ANOS1: variants seen among roughly 807,000 people sequenced by gnomAD.
ANOS1 encodes anosmin-1.
ANOS1 carries 6 observed loss-of-function variants against 59.0 expected under a neutral mutation model. That is an observed-to-expected ratio of 0.10 (90% CI 0.06 to 0.20). The LOEUF is 0.20. Ranked by LOEUF, ANOS1 falls within the 10% of genes least tolerant of loss-of-function variation. The pLI, the probability that ANOS1 is intolerant of heterozygous loss-of-function variation, is 1.00. For missense variants in ANOS1, 433 were observed against 542.3 expected (o/e 0.80, Z 2.00); for synonymous variants, 217 against 223.4 (o/e 0.97, Z 0.25).
At chrX:8,631,587 G>C (rs1931489305) in intron 2 of ANOS1, among the ~76,000 whole-genome samples, 1 of 111,245 alleles carries the variant, frequency 9.0e-6, no homozygotes, top group Non-Finnish European at 1.9e-5. Flanking sequence ...TTACGTGTTT[G>C]TGCTTCAAAA....
rs1281286535 is a variant in ANOS1, at chrX:8,529,128, G to A, written c.*3867C>T. On this transcript the variant is annotated 3_prime_UTR_variant, in exon 14 of 14. Transcript: ENST00000262648. Reference sequence around the variant, plus strand: ...TTCTACAGACCACTTGGATGAGAAGGTAGCAGTTTTGTTATCTGCACACTA... The same window carrying A: ...TTCTACAGACCACTTGGATGAGAAGATAGCAGTTTTGTTATCTGCACACTA... 2.7e-5 allele frequency: 3 copies of A among 111,642 alleles called. No homozygotes were observed. Among genetic ancestry groups the A allele is most frequent in the African/African-American group, 9.8e-5 (3 of 30,739 alleles). The allele number at this position is 111,642 out of a possible 1,213,427, so 9.2% of individuals were successfully genotyped here.
At chrX:8,536,742 A>G in intron 11 of ANOS1, 29 bp downstream of exon 11, 1 of 1,162,109 alleles carries the variant, frequency 8.6e-7, no homozygotes. Context: ...GTAGACCTAG[A>G]TGTAGAAGTC....
intron 1 of ANOS1, among the ~76,000 whole-genome samples, chrX:8,728,842 T>A (rs1470695588): frequency 8.9e-6 from 1 of 111,917 alleles, no homozygotes; most frequent in Non-Finnish European, 1.9e-5. Context: ...CCCACCCCCA[T>A]GCCTCAGTAC....
chrX:8,670,425 A>T (rs368054306), intron 2 of ANOS1, among the ~76,000 whole-genome samples: 1 of 111,206 alleles, frequency 9.0e-6, no homozygotes, highest in East Asian at 2.8e-4. Context: ...TCAGCCTCTG[A>T]TTCCAATTGG....
rs112434094 is a variant in ANOS1 at position 8,659,418 on chromosome X, CTCTT to C, written c.256-35752_256-35749del. Reference sequence around the variant, plus strand: ...AGAGTGAGACTCTTTCTCTCTCTCTCTCTTTCTTTTTCTTTCTTTCTTCCTTCCT... The same window carrying C: ...AGAGTGAGACTCTTTCTCTCTCTCTCTCTTTTTCTTTCTTTCTTCCTTCCT... On this transcript the variant is annotated intron_variant, in intron 2 of 13. Coordinates refer to ENST00000262648, the MANE Select transcript of ANOS1 (RefSeq NM_000216.4). Among the ~76,000 whole-genome samples, 123 of 108,230 alleles carry C rather than the reference CTCTT, an allele frequency of 1.1e-3. 1 individual carries two copies. Among genetic ancestry groups the C allele is most frequent in the African/African-American group, 3.5e-3 (104 of 29,612 alleles). 94.0% of individuals were successfully genotyped at this position (108,230 alleles called of 115,157 possible).
intron 2 of ANOS1, among the ~76,000 whole-genome samples, chrX:8,647,300 T>C (rs1931777229): frequency 9.0e-6 from 1 of 110,896 alleles, no homozygotes; most frequent in Admixed American, 9.7e-5. Context: ...ACCAGTGATA[T>C]AGGGTACATG....
chrX:8,668,451 A>G (rs1450982182), intron 2 of ANOS1, among the ~76,000 whole-genome samples: 1 of 94,966 alleles, frequency 1.1e-5, no homozygotes, highest in African/African-American at 3.8e-5. Flanking sequence ...ACATATATAT[A>G]TATGGTATTC....
intron 1 of ANOS1, among the ~76,000 whole-genome samples, chrX:8,723,507 CTT>C (rs1292767390): frequency 8.9e-6 from 1 of 112,088 alleles, no homozygotes; most frequent in Non-Finnish European, 1.9e-5. Flanking sequence ...TAAATCAGTA[CTT>C]TTTAAAGAAA....
chrX:8,658,708 C>T (rs750758579), intron 2 of ANOS1, among the ~76,000 whole-genome samples: 3 of 111,967 alleles, frequency 2.7e-5, no homozygotes, highest in Non-Finnish European at 5.6e-5. Flanking sequence ...CCTCAGATTA[C>T]ACCACCTAGA....
chrX:8,608,096 T>A (rs1232720922), intron 3 of ANOS1, among the ~76,000 whole-genome samples: 3 of 111,903 alleles, frequency 2.7e-5, no homozygotes, highest in Non-Finnish European at 5.6e-5. Context: ...AGATAACTGC[T>A]GTACAATTTG....
At chrX:8,681,646 A>G (rs112915942) in intron 2 of ANOS1, among the ~76,000 whole-genome samples, 1 of 111,707 alleles carries the variant, frequency 9.0e-6, no homozygotes, top group Non-Finnish European at 1.9e-5. Context: ...CTCCAAGGAC[A>G]TCAAGGCCCA....
chrX:8,555,119 CT>C (rs763326579), intron 8 of ANOS1, among the ~76,000 whole-genome samples: 2 of 111,568 alleles, frequency 1.8e-5, no homozygotes, highest in Non-Finnish European at 3.8e-5. Context: ...CAATATGCTC[CT>C]GAATGACTAC....
chrX:8,668,430 T>TATATATATATATATATAC (rs1394731479), intron 2 of ANOS1, among the ~76,000 whole-genome samples: 5 of 80,252 alleles, frequency 6.2e-5, no homozygotes, highest in Admixed American at 1.5e-4. Context: ...TATATATATA[T>TATATATATATATATATAC]ACACACACAT....
At chrX:8,589,491 C>T (rs1186817287) in intron 4 of ANOS1, among the ~76,000 whole-genome samples, 1 of 112,065 alleles carries the variant, frequency 8.9e-6, no homozygotes, top group Non-Finnish European at 1.9e-5. Flanking sequence ...CTGCTTTCTA[C>T]ATTTCATATT....
intron 6 of ANOS1, among the ~76,000 whole-genome samples, chrX:8,577,715 G>T (rs1930353197): frequency 8.9e-6 from 1 of 112,199 alleles, no homozygotes; most frequent in Non-Finnish European, 1.9e-5. Flanking sequence ...TTAACCTCTT[G>T]TGTTTCATGC....
intron 2 of ANOS1, among the ~76,000 whole-genome samples, chrX:8,672,449 T>C (rs1037319677): frequency 1.8e-5 from 2 of 112,262 alleles, no homozygotes; most frequent in Non-Finnish European, 3.8e-5. Flanking sequence ...CTTGAAGCAG[T>C]GGGAAGTCGA....
intron 1 of ANOS1, among the ~76,000 whole-genome samples, chrX:8,703,908 C>T (rs945028389): frequency 4.9e-4 from 55 of 111,881 alleles, no homozygotes; most frequent in Non-Finnish European, 3.0e-4. Context: ...GTGCAGGACA[C>T]ACCTTGATAT....
At chrX:8,656,705 C>CA (rs1931936863) in intron 2 of ANOS1, among the ~76,000 whole-genome samples, 1 of 111,569 alleles carries the variant, frequency 9.0e-6, no homozygotes, top group South Asian at 3.8e-4. Context: ...TCTGCAAAGT[C>CA]CAGGCTCTTT....
intron 3 of ANOS1, among the ~76,000 whole-genome samples, chrX:8,611,116 T>G (rs1175427130): frequency 9.1e-6 from 1 of 110,100 alleles, no homozygotes; most frequent in Non-Finnish European, 1.9e-5. Flanking sequence ...AGGACAGGAA[T>G]GAAAGCTACA....
Sources: gnomAD v4.1 joint callset for allele counts (sites outside exome capture counted in the v4.1 genomes callset) on GRCh38, gnomAD v4.1.1 for gene constraint, MANE v1.5 for transcripts, NCBI Gene and HGNC (gene_info 2026-07-23, HGNC 2026-07-21) for gene names.